The following GLYR1 variants were observed in gnomAD, a reference collection of about 807,000 sequenced individuals.
GLYR1 encodes glyoxylate reductase 1 homolog, also known as cytokine-like nuclear factor N-PAC.
Under a neutral mutation model 72.7 loss-of-function variants are expected in GLYR1, and 21 were observed. That is an observed-to-expected ratio of 0.29 (90% CI 0.20 to 0.42). GLYR1 has a LOEUF of 0.42. Among genes scored for constraint, GLYR1 ranks in the 10% least tolerant of loss-of-function variants. The probability of loss-of-function intolerance (pLI) is 1.00; values close to 1 mark genes in which losing one functional copy is unlikely to be tolerated. For synonymous variants in GLYR1, 392 were observed against 270.2 expected, an observed-to-expected ratio of 1.45 and a Z score of -4.42; for missense variants, 594 against 712.1, an observed-to-expected ratio of 0.83 and a Z score of 1.89.
intron 5 of GLYR1, among the ~76,000 whole-genome samples, chr16:4,827,609 A>G (rs1344307748): frequency 6.6e-6 from 1 of 151,718 alleles, no homozygotes; most frequent in Non-Finnish European, 1.5e-5. Flanking sequence ...ACAAACAAAC[A>G]AAAAAAACGG....
At chr16:4,823,774 C>A in intron 6 of GLYR1, 47 bp downstream of exon 6, 1 of 1,416,042 alleles carries the variant, frequency 7.1e-7, no homozygotes, top group Non-Finnish European at 9.9e-7. Flanking sequence ...CACACAGGAA[C>A]CTCGCCCTAA....
chr16:4,814,388 C>T (rs2083496367), intron 11 of GLYR1, 149 bp downstream of exon 11: 2 of 659,544 alleles, frequency 3.0e-6, no homozygotes, highest in Non-Finnish European at 5.5e-6. Flanking sequence ...TTAATGCAAA[C>T]ACCCTTCACA....
At chr16:4,844,908 T>C (rs1224643545) in intron 3 of GLYR1, among the ~76,000 whole-genome samples, 166 bp downstream of exon 3, 2 of 152,248 alleles carry the variant, frequency 1.3e-5, no homozygotes, top group Non-Finnish European at 2.9e-5. Context: ...GGGCAATTTC[T>C]GCAAGAAATT....
chr16:4,816,255 G>A (rs537792324), intron 10 of GLYR1, among the ~76,000 whole-genome samples: 3 of 149,976 alleles, frequency 2.0e-5, no homozygotes, highest in African/African-American at 4.9e-5. Context: ...GAGATCTTCT[G>A]GCCTCAGCCT....
In GLYR1 at chr16:4,804,859, T is replaced by G. The variant is rs184126747; in HGVS notation, c.*377A>C. 2.2e-4 allele frequency: 53 copies of G among 246,454 alleles called. No individual in the cohort carries two copies. Among genetic ancestry groups the G allele is most frequent in the African/African-American group, 1.1e-3 (49 of 46,170 alleles). 15.3% of individuals were successfully genotyped at this position (246,454 alleles called of 1,614,324 possible). A position where few individuals can be genotyped will look rare whatever the true frequency, so the allele number is the denominator to read the frequency against. The stretch of plus-strand genomic sequence containing the variant: ...TTCTAGTTCCTTGACTGGAAGGGGT[T>G]TGAGATAAGACAAGCTCGGAAGAAA... On this transcript the variant is annotated 3_prime_UTR_variant, in exon 16 of 16. Coordinates refer to ENST00000321919, the MANE Select transcript of GLYR1 (RefSeq NM_032569.4).
At chr16:4,842,858 C>G (rs1192264923) in intron 3 of GLYR1, among the ~76,000 whole-genome samples, 1 of 152,076 alleles carries the variant, frequency 6.6e-6, no homozygotes, top group East Asian at 1.9e-4. Flanking sequence ...CACCACCACA[C>G]CCGACTAATT....
At chr16:4,822,039 C>T (rs960244456) in intron 7 of GLYR1, among the ~76,000 whole-genome samples, 3 of 152,204 alleles carry the variant, frequency 2.0e-5, no homozygotes, top group Non-Finnish European at 4.4e-5. Flanking sequence ...TGGTTTCTGC[C>T]CTAAACTCTA....
At chr16:4,822,735 A>T (rs1008339343) in intron 7 of GLYR1, 140 bp downstream of exon 7, 2 of 713,416 alleles carry the variant, frequency 2.8e-6, no homozygotes, top group Non-Finnish European at 4.9e-6. Context: ...TAGCGGGCCC[A>T]TATGGGGGCT....
At chr16:4,810,650 TCAGGAGATCGAGAC>T (rs1331060323) in intron 15 of GLYR1, among the ~76,000 whole-genome samples, 1 of 115,954 alleles carries the variant, frequency 8.6e-6, no homozygotes, top group Non-Finnish European at 1.6e-5. Flanking sequence ...GATCACGAGG[TCAGGAGATCGAGAC>T]CATCCTGGCT....
chr16:4,809,724 G>A (rs2083217355), intron 15 of GLYR1, among the ~76,000 whole-genome samples: 1 of 151,404 alleles, frequency 6.6e-6, no homozygotes, highest in Non-Finnish European at 1.5e-5. Context: ...AGCAGTTCAA[G>A]CCCAGCCTGG....
intron 15 of GLYR1, among the ~76,000 whole-genome samples, chr16:4,806,795 A>T (rs2083005811): frequency 6.6e-6 from 1 of 151,182 alleles, no homozygotes; most frequent in Admixed American, 6.6e-5. Flanking sequence ...TGAAACTGGA[A>T]TTCTTTTTTC....
At chr16:4,830,891 C>T (rs1044430063) in intron 5 of GLYR1, among the ~76,000 whole-genome samples, 1 of 152,164 alleles carries the variant, frequency 6.6e-6, no homozygotes, top group African/African-American at 2.4e-5. Flanking sequence ...TCCCTCTCTT[C>T]CTGAAACAAA....
intron 3 of GLYR1, among the ~76,000 whole-genome samples, chr16:4,842,118 C>T (rs1028141880): frequency 6.6e-6 from 1 of 152,002 alleles, no homozygotes; most frequent in African/African-American, 2.4e-5. Flanking sequence ...GTGGTGTGCG[C>T]CTGTAGTCCC....
chr16:4,831,240 T>C (rs1454361887), intron 5 of GLYR1, among the ~76,000 whole-genome samples: 1 of 152,152 alleles, frequency 6.6e-6, no homozygotes, highest in Non-Finnish European at 1.5e-5. Context: ...TACCCCCTTA[T>C]GAATGCACGC....
At chr16:4,818,962 C>T (rs1395440935) in intron 9 of GLYR1, among the ~76,000 whole-genome samples, 2 of 152,152 alleles carry the variant, frequency 1.3e-5, no homozygotes, top group Non-Finnish European at 2.9e-5. Context: ...CATACTCCGC[C>T]TGCTCCTTCC....
At chr16:4,825,865 G>A (rs1567732323) in intron 5 of GLYR1, among the ~76,000 whole-genome samples, 1 of 151,892 alleles carries the variant, frequency 6.6e-6, no homozygotes, top group Non-Finnish European at 1.5e-5. Flanking sequence ...TGTTAGCCAG[G>A]ATGGTCTCGA....
At chr16:4,833,745 T>C (rs1358902693) in intron 3 of GLYR1, among the ~76,000 whole-genome samples, 1 of 152,144 alleles carries the variant, frequency 6.6e-6, no homozygotes. Context: ...GTGTAACACA[T>C]GAAAGTGAAA....
chr16:4,823,441 T>A (rs1316698346), intron 6 of GLYR1, among the ~76,000 whole-genome samples: 1 of 152,092 alleles, frequency 6.6e-6, no homozygotes, highest in Non-Finnish European at 1.5e-5. Flanking sequence ...GCACCAAGGA[T>A]AATAAAACTA....
In GLYR1 at chr16:4,805,232, C is replaced by G. The variant is rs2082900474; in HGVS notation, c.*4G>C. On this transcript the variant is annotated 3_prime_UTR_variant, in exon 16 of 16. Transcript: ENST00000321919. ...TGGAGGGGTGAGGGCGGGGTGTCGA[C>G]AGCTTAGTGTATGTAGGCTCGGTAC... The G allele has an allele frequency of 1.9e-6, 3 of 1,613,804 alleles. No homozygotes were observed. Among genetic ancestry groups the G allele is most frequent in the Non-Finnish European group, 2.5e-6 (3 of 1,179,844 alleles).
Sources: gnomAD v4.1 joint callset for allele counts (sites outside exome capture counted in the v4.1 genomes callset) on GRCh38, gnomAD v4.1.1 for gene constraint, MANE v1.5 for transcripts, NCBI Gene and HGNC (gene_info 2026-07-23, HGNC 2026-07-21) for gene names.